Variants in PCDHGA7 observed in about 807,000 individuals in gnomAD.
The protein encoded by PCDHGA7 is protocadherin gamma-A7.
PCDHGA7 carries 44 observed loss-of-function variants against 58.3 expected under a neutral mutation model. The observed-to-expected ratio is 0.75, with a 90% confidence interval of 0.59 to 0.97. The LOEUF (loss-of-function observed/expected upper bound fraction) is 0.97, where lower values mean the gene tolerates loss of function less well. Among genes scored for constraint, PCDHGA7 ranks in the 50% least tolerant of loss-of-function variants. The pLI is 0.00. For synonymous variants in PCDHGA7, 516 were observed against 504.2 expected (o/e 1.02, Z -0.31); for missense variants, 1,266 against 1,188.7 (o/e 1.06, Z -0.96).
chr5:141,479,324 C>G (rs2099492748), intron 1 of PCDHGA7: 1 of 152,556 alleles, frequency 6.6e-6, no homozygotes, highest in Admixed American at 6.5e-5. Context: ...TAGCCAGACT[C>G]AGTGGTGTGC....
At position 141,485,532 on chromosome 5, in the gene PCDHGA7, A is replaced by C. The variant is rs1360942348; in HGVS notation, c.2425-9275A>C. 6.2e-7 allele frequency: 1 copy of C among 1,614,108 alleles called. No individual in the cohort carries two copies. The highest frequency in any genetic ancestry group is 1.7e-5 in the Admixed American group (1 of 60,000). ...GGTCCTTTGGAAATGTACCGAGCAG[A>C]GGTAGAGATCGTAGATGTGAATGAT... On this transcript the variant is annotated intron_variant, in intron 1 of 3. Transcript: ENST00000518325. This position sits in a 1 kb window ranked among gnomAD's most constrained non-coding sequence, Gnocchi z 5.7.
At position 141,421,041 on chromosome 5, in the gene PCDHGA7, C is replaced by T. The variant is rs963777669; in HGVS notation, c.2424+35718C>T. The T allele has an allele frequency of 1.8e-5, 10 of 546,514 alleles. No individual in the cohort carries two copies. The African/African-American group carries it at 1.9e-4, about 11-fold the overall frequency. 33.9% of individuals were successfully genotyped at this position (546,514 alleles called of 1,614,324 possible). A position where few individuals can be genotyped will look rare whatever the true frequency, so the allele number is the denominator to read the frequency against. ...CTGCGCGCCATTGAGTCCCTCCCTC[C>T]CCCGCCTCTACCACACAAAGCGGAA... On this transcript the variant is annotated intron_variant, in intron 1 of 3. Coordinates refer to ENST00000518325, the MANE Select transcript of PCDHGA7 (RefSeq NM_018920.4).
intron 1 of PCDHGA7, among the ~76,000 whole-genome samples, chr5:141,466,965 C>G (rs1345790988): frequency 6.6e-6 from 1 of 152,016 alleles, no homozygotes; most frequent in African/African-American, 2.4e-5. Context: ...CAAATATTTT[C>G]TCACAGCTCA....
In PCDHGA7 at chr5:141,413,305, G is replaced by A. The variant is rs780711139; in HGVS notation, c.2424+27982G>A. 1.5e-5 allele frequency: 25 copies of A among 1,613,870 alleles called. No individual in the cohort carries two copies. The South Asian group carries it at 2.0e-4, about 13-fold the overall frequency. ...CTCCTACTCAATTCCTGAGGAATTA[G>A]AGAAAGGCTCTTTCGTGGGCAACAT... is the stretch of plus-strand genomic sequence containing the variant. On this transcript the variant is annotated intron_variant, in intron 1 of 3. Transcript: ENST00000518325.
chr5:141,419,549 T>C, intron 1 of PCDHGA7: 1 of 1,612,006 alleles, frequency 6.2e-7, no homozygotes, highest in Non-Finnish European at 8.5e-7. Context: ...GCGGGTGCTG[T>C]ACCCTGCGCT....
At position 141,383,086 on chromosome 5, in the gene PCDHGA7, G is replaced by A. The variant is rs373805952; in HGVS notation, c.187G>A (p.Gly63Arg). 3.1e-6 allele frequency: 5 copies of A among 1,613,788 alleles called. No individual in the cohort carries two copies. The African/African-American group carries it at 6.7e-5, about 22-fold the overall frequency. The change falls in exon 1 of 4, where the codon GGA becomes AGA. Residue 63 changes from glycine to arginine, a missense_variant. Physicochemically the swap from Gly to Arg is moderately radical, Grantham distance 125. Transcript: ENST00000518325. ...GLEPRELAER[G>R]VRIISRGRTQ... ...GGAGCCCCGGGAGCTGGCGGAGCGC[G>A]GAGTCCGCATCATCTCCAGAGGTAG...
At chr5:141,386,978 T>C (rs1267866332) in intron 1 of PCDHGA7, among the ~76,000 whole-genome samples, 1 of 152,172 alleles carries the variant, frequency 6.6e-6, no homozygotes, top group Non-Finnish European at 1.5e-5. Flanking sequence ...GACTTTGTGT[T>C]TTGAGGCTAT....
intron 1 of PCDHGA7, chr5:141,430,604 A>C (rs1288378907): frequency 7.8e-6 from 5 of 641,158 alleles, no homozygotes; most frequent in Non-Finnish European, 1.2e-5. Context: ...CGCCTGAAGC[A>C]CAAAGCAGAT....
At chr5:141,421,529 C>T in intron 1 of PCDHGA7, 1 of 1,614,020 alleles carries the variant, frequency 6.2e-7, no homozygotes, top group Non-Finnish European at 8.5e-7. Flanking sequence ...GAGACGGTGT[C>T]CTCCTGTTTT....
chr5:141,384,914 T>C lies in PCDHGA7; in HGVS notation c.2015T>C (p.Leu672Ser). The C allele has an allele frequency of 6.2e-7, 1 of 1,613,988 alleles. No individual in the cohort carries two copies. The highest frequency in any genetic ancestry group is 8.5e-7 in the Non-Finnish European group (1 of 1,180,002). The change falls in exon 1 of 4, where the codon TTG becomes TCG. Residue 672 changes from leucine (L) to serine (S), a missense_variant. Physicochemically the swap from Leu to Ser is moderately radical, Grantham distance 145. Transcript: ENST00000518325. The part of the protein sequence containing the change: ...VAVADSIPEV[L>S]ADLGSLEPSD... The stretch of plus-strand genomic sequence containing the variant: ...GTGGCTGACAGCATCCCCGAAGTCT[T>C]GGCCGACCTGGGCAGCCTTGAGCCC...
In PCDHGA7 at chr5:141,490,598, G is replaced by A. The variant is rs141484080; in HGVS notation, c.2425-4209G>A. On this transcript the variant is annotated intron_variant, in intron 1 of 3. Transcript: ENST00000518325. This position sits in a 1 kb window ranked among gnomAD's most constrained non-coding sequence, Gnocchi z 5.4. ...TCAGATGTCAATGACAATGCACCCC[G>A]CTTCAACCAGCAGCTTTACACTGCT... 309 of 1,614,062 alleles carry A rather than the reference G, an allele frequency of 1.9e-4. 2 individuals carry two copies. Among genetic ancestry groups the A allele is most frequent in the Admixed American group, 5.0e-4 (30 of 60,018 alleles).
chr5:141,419,715 T>A, intron 1 of PCDHGA7: 5 of 1,613,288 alleles, frequency 3.1e-6, no homozygotes, highest in Non-Finnish European at 4.2e-6. Context: ...CTCTTCAGCC[T>A]GGGGCTGCGA....
intron 1 of PCDHGA7, among the ~76,000 whole-genome samples, chr5:141,464,901 G>A (rs1562002452): frequency 6.6e-6 from 1 of 151,916 alleles, no homozygotes; most frequent in Non-Finnish European, 1.5e-5. Context: ...ACCATGTCCA[G>A]CTAATTTTTT....
intron 1 of PCDHGA7, among the ~76,000 whole-genome samples, chr5:141,480,976 T>G (rs1485868136): frequency 6.6e-6 from 1 of 152,108 alleles, no homozygotes; most frequent in Non-Finnish European, 1.5e-5. Context: ...GGAGAATCAG[T>G]GAACCCAGGA....
At chr5:141,387,479 A>C (rs2090961106) in intron 1 of PCDHGA7, among the ~76,000 whole-genome samples, 1 of 152,258 alleles carries the variant, frequency 6.6e-6, no homozygotes, top group Non-Finnish European at 1.5e-5. Context: ...AGTTGGGATG[A>C]AGGCATTCCT....
Position 141,432,809 on chromosome 5 carries a change from T to A in PCDHGA7, c.2424+47486T>A. ...CGGCAGCCTCGAGTCTCCAGCTAAC[T>A]CTGAAACCTCAGACCTCACTCTGTA... is the stretch of plus-strand genomic sequence containing the variant. On this transcript the variant is annotated intron_variant, in intron 1 of 3. Coordinates refer to ENST00000518325, the MANE Select transcript of PCDHGA7 (RefSeq NM_018920.4). This position sits in a 1 kb window ranked among gnomAD's most constrained non-coding sequence, Gnocchi z 6.0. The A allele has an allele frequency of 6.2e-7, 1 of 1,613,398 alleles. No homozygotes were observed. Among genetic ancestry groups the A allele is most frequent in the Non-Finnish European group, 8.5e-7 (1 of 1,179,980 alleles).
Position 141,431,975 on chromosome 5 carries a change from A to G in PCDHGA7, c.2424+46652A>G. 1 of 1,614,218 alleles carries G rather than the reference A, an allele frequency of 6.2e-7. No individual in the cohort carries two copies. Among genetic ancestry groups the G allele is most frequent in the Non-Finnish European group, 8.5e-7 (1 of 1,180,022 alleles). ...TTACGGAAATTACTATAGTTTAGTC[A>G]CAGACATAGTCTTGGATAGGGAACA... On this transcript the variant is annotated intron_variant, in intron 1 of 3. Transcript: ENST00000518325. The surrounding 1 kb of genome is among the most constrained non-coding windows in gnomAD (Gnocchi z 4.8).
chr5:141,473,879 C>G (rs937312573), intron 1 of PCDHGA7, among the ~76,000 whole-genome samples: 2 of 152,120 alleles, frequency 1.3e-5, no homozygotes, highest in Admixed American at 1.3e-4. Context: ...AATGCATACA[C>G]AAGGGTTCTG....
chr5:141,422,431 T>G, intron 1 of PCDHGA7: 1 of 1,608,846 alleles, frequency 6.2e-7, no homozygotes, highest in Non-Finnish European at 8.5e-7. Flanking sequence ...TTATGGAAAT[T>G]ATTACAAATT....
Sources: gnomAD v4.1 joint callset for allele counts (sites outside exome capture counted in the v4.1 genomes callset) on GRCh38, gnomAD v4.1.1 for gene constraint, Gnocchi (gnomAD v3.1) non-coding constraint, MANE v1.5 for transcripts, NCBI Gene and HGNC (gene_info 2026-07-23, HGNC 2026-07-21) for gene names.